The following HELLS variants were observed in gnomAD, a reference collection of about 807,000 sequenced individuals.
The protein encoded by HELLS is helicase, lymphoid specific.
A neutral mutation model predicts 120.0 loss-of-function variants in HELLS; 32 were observed. The observed-to-expected ratio is 0.27, with a 90% CI of 0.20 to 0.36. HELLS has a LOEUF of 0.36. Ranked by LOEUF, HELLS falls within the 10% of genes least tolerant of loss-of-function variation. The probability of loss-of-function intolerance (pLI) is 1.00; values close to 1 mark genes in which losing one functional copy is unlikely to be tolerated. For synonymous variants in HELLS, 341 were observed against 323.4 expected (o/e 1.05, Z -0.58); for missense variants, 650 against 993.4 (o/e 0.65, Z 4.65).
chr10:94,558,960 T>C (rs1164617029), intron 4 of HELLS, among the ~76,000 whole-genome samples: 1 of 152,168 alleles, frequency 6.6e-6, no homozygotes, highest in Non-Finnish European at 1.5e-5. Context: ...TCCCCCATTT[T>C]ACATAAATAG....
chr10:94,589,730 A>G (rs920971552), intron 13 of HELLS, among the ~76,000 whole-genome samples: 6 of 120,346 alleles, frequency 5.0e-5, no homozygotes, highest in Non-Finnish European at 9.5e-5. Flanking sequence ...TGTGTTGCCC[A>G]GGCTGGAGTG....
At chr10:94,554,100 A>G in intron 2 of HELLS, 26 bp from the exon 3 acceptor site, 2 of 1,544,830 alleles carry the variant, frequency 1.3e-6, no homozygotes, top group South Asian at 2.6e-5. Context: ...AGTGTTCATA[A>G]TTATGGAAAT....
Position 94,546,463 on chromosome 10 carries a change from G to C in HELLS, c.118G>C (p.Ala40Pro). 9 of 1,614,174 alleles carry C rather than the reference G, an allele frequency of 5.6e-6. No individual in the cohort carries two copies. Among genetic ancestry groups the C allele is most frequent in the African/African-American group, 1.3e-5 (1 of 75,056 alleles). The change falls in exon 2 of 22, where the codon GCT (alanine) becomes CCT (proline). Residue 40 changes from alanine (A) to proline (P), a missense_variant. Coordinates refer to ENST00000348459, the MANE Select transcript of HELLS (RefSeq NM_018063.5). ...AGAAGAGGAAGAACAGCTTGAAGCT[G>C]CTGGACTAGAGAGAGAGCGGAAGAT... ...MLEEEEQLEA[A>P]GLERERKMLE...
At chr10:94,588,443 CT>C in intron 13 of HELLS, 53 bp downstream of exon 13, 1 of 1,325,026 alleles carries the variant, frequency 7.5e-7, no homozygotes, top group Non-Finnish European at 1.0e-6. Flanking sequence ...TAAAATTTCT[CT>C]TTTTTCCCTT....
At chr10:94,585,923 A>G (rs1242599839) in intron 12 of HELLS, among the ~76,000 whole-genome samples, 1 of 152,092 alleles carries the variant, frequency 6.6e-6, no homozygotes, top group South Asian at 2.1e-4. Context: ...CTGCTTTGAA[A>G]GCTTGTATAC....
At chr10:94,592,098 T>G (rs1845515719) in intron 15 of HELLS, 131 bp from the exon 16 acceptor site, 1 of 599,354 alleles carries the variant, frequency 1.7e-6, no homozygotes, top group African/African-American at 1.9e-5. Flanking sequence ...TTACAAAGAT[T>G]GAATAACAGG....
chr10:94,600,953 A>C (rs1423315403), intron 21 of HELLS, among the ~76,000 whole-genome samples: 1 of 152,194 alleles, frequency 6.6e-6, no homozygotes, highest in Non-Finnish European at 1.5e-5. Context: ...GTTGATAATG[A>C]AAACGGATAA....
At chr10:94,563,475 T>G (rs574938962) in intron 6 of HELLS, among the ~76,000 whole-genome samples, 7 of 152,080 alleles carry the variant, frequency 4.6e-5, no homozygotes, top group African/African-American at 1.7e-4. Flanking sequence ...CTTTCTAGCT[T>G]CCTTCTTTTT....
chr10:94,575,365 C>G (rs1050817382), intron 9 of HELLS, among the ~76,000 whole-genome samples: 1 of 151,816 alleles, frequency 6.6e-6, no homozygotes, highest in Non-Finnish European at 1.5e-5. Context: ...TCTCAAAGTA[C>G]TGGGATTATA....
intron 10 of HELLS, among the ~76,000 whole-genome samples, chr10:94,577,835 GT>G (rs963267398): frequency 1.3e-5 from 2 of 152,156 alleles, no homozygotes; most frequent in Non-Finnish European, 2.9e-5. Flanking sequence ...GCCGAGGCGG[GT>G]GGATCATGAG....
chr10:94,591,775 G>C (rs1272452781), intron 15 of HELLS, among the ~76,000 whole-genome samples: 1 of 152,188 alleles, frequency 6.6e-6, no homozygotes, highest in Non-Finnish European at 1.5e-5. Flanking sequence ...GCTCTCTCAT[G>C]AGGGAATTTC....
chr10:94,572,858 A>G (rs1163921806), intron 7 of HELLS, among the ~76,000 whole-genome samples: 1 of 152,206 alleles, frequency 6.6e-6, no homozygotes, highest in African/African-American at 2.4e-5. Context: ...CAGCCATTTT[A>G]TTAGATGAGA....
chr10:94,595,155 G>A (rs1845680560), intron 19 of HELLS, among the ~76,000 whole-genome samples: 1 of 152,196 alleles, frequency 6.6e-6, no homozygotes, highest in South Asian at 2.1e-4. Context: ...TTGAACCCGG[G>A]AGGAGGAGGT....
chr10:94,598,251 G>T (rs1845839568), intron 21 of HELLS, among the ~76,000 whole-genome samples: 1 of 152,064 alleles, frequency 6.6e-6, no homozygotes, highest in Non-Finnish European at 1.5e-5. Flanking sequence ...ATTGGTGATG[G>T]CAGTAACATT....
chr10:94,583,659 A>G (rs1393087661), intron 12 of HELLS, among the ~76,000 whole-genome samples: 3 of 152,136 alleles, frequency 2.0e-5, no homozygotes, highest in African/African-American at 7.2e-5. Flanking sequence ...TGCATGTGGA[A>G]TGATTATGTT....
rs534957603 is a variant in HELLS at position 94,558,078 on chromosome 10, T to C, written c.277-61T>C. On this transcript the variant is annotated intron_variant, in intron 3 of 21. Coordinates refer to ENST00000348459, the MANE Select transcript of HELLS (RefSeq NM_018063.5). ...AACATAAGTTATTTGAGAATTGATATGCGTTTTTTTTTTAAATGTTGCACT... is the reference window on the plus strand; with the variant it reads ...AACATAAGTTATTTGAGAATTGATACGCGTTTTTTTTTTAAATGTTGCACT... 1.3e-3 allele frequency: 1,942 copies of C among 1,526,818 alleles called. 5 individuals carry two copies. Among genetic ancestry groups the C allele is most frequent in the Non-Finnish European group, 1.4e-3 (1,559 of 1,143,560 alleles). The allele number at this position is 1,526,818 out of a possible 1,614,324, so 94.6% of individuals were successfully genotyped here.
chr10:94,588,366 T>G lies in HELLS; in HGVS notation c.1464T>G (p.Ile488Met). 6.2e-7 allele frequency: 1 copy of G among 1,606,160 alleles called. No homozygotes were observed. The highest frequency in any genetic ancestry group is 1.1e-5 in the South Asian group (1 of 89,078). Residue 488 changes from isoleucine to methionine, a missense_variant, in exon 13 of 22, where the codon ATT (isoleucine) becomes ATG (methionine). Around this residue, in one of 9 missense-constraint regions of HELLS, gnomAD observed 191 missense variants for 259.7 expected, o/e 0.74. Transcript: ENST00000348459. ...IFYTAIVNRTIANMFGSSEKE... is the reference protein window; with the variant it reads ...IFYTAIVNRTMANMFGSSEKE... ...ATACAGCCATTGTGAACCGTACAATTGCAAACATGTTTGGATCCAGTGAGG... is the reference window on the plus strand; with the variant it reads ...ATACAGCCATTGTGAACCGTACAATGGCAAACATGTTTGGATCCAGTGAGG...
chr10:94,547,578 A>G (rs1410490893), intron 2 of HELLS, among the ~76,000 whole-genome samples: 1 of 152,196 alleles, frequency 6.6e-6, no homozygotes, highest in Non-Finnish European at 1.5e-5. Context: ...CTTTATATGT[A>G]TTTACTCATT....
At chr10:94,561,447 A>G (rs527705048) in intron 4 of HELLS, among the ~76,000 whole-genome samples, 66 of 151,682 alleles carry the variant, frequency 4.4e-4, no homozygotes, top group African/African-American at 1.5e-3. Context: ...TGCTTTTTTC[A>G]TAAGGGCGTC....
Sources: allele counts gnomAD v4.1 joint callset (sites outside exome capture counted in the v4.1 genomes callset), GRCh38; gene constraint gnomAD v4.1.1; regional missense constraint gnomAD v4.1.1; transcripts MANE v1.5; gene names NCBI Gene and HGNC (gene_info 2026-07-23, HGNC 2026-07-21).